Variants in ZDHHC14 observed in about 807,000 individuals in gnomAD.
The protein encoded by ZDHHC14 is zDHHC palmitoyltransferase 14, also known as palmitoyltransferase ZDHHC14.
In ZDHHC14, 16 loss-of-function variants were observed where a neutral mutation model predicts 47.7. The ratio of observed to expected loss-of-function variants is 0.34; its 90% CI spans 0.23 to 0.51. ZDHHC14 has a LOEUF of 0.51. ZDHHC14 is among the 20% of genes least tolerant of loss of function. The pLI is 0.97. For synonymous variants in ZDHHC14, 293 were observed against 278.9 expected (o/e 1.05, Z -0.50); for missense variants, 515 against 662.5 (o/e 0.78, Z 2.44).
chr6:157,519,583 T>C (rs1056161408), intron 1 of ZDHHC14, among the ~76,000 whole-genome samples: 28 of 152,186 alleles, frequency 1.8e-4, no homozygotes, highest in Non-Finnish European at 4.4e-5. Flanking sequence ...TGGGAGCAAC[T>C]TAGACGGATC....
chr6:157,440,633 T>C (rs969897411), intron 1 of ZDHHC14, among the ~76,000 whole-genome samples: 2 of 152,164 alleles, frequency 1.3e-5, no homozygotes, highest in African/African-American at 4.8e-5. Context: ...TTCTTTACAA[T>C]AGCAAAAATG....
chr6:157,445,230 A>G (rs1302099427), intron 1 of ZDHHC14, among the ~76,000 whole-genome samples: 1 of 152,062 alleles, frequency 6.6e-6, no homozygotes, highest in Non-Finnish European at 1.5e-5. Flanking sequence ...ATAGCTCTGA[A>G]TTATTGGAGA....
chr6:157,536,319 C>T (rs1028120009), intron 1 of ZDHHC14, among the ~76,000 whole-genome samples: 1 of 152,142 alleles, frequency 6.6e-6, no homozygotes, highest in African/African-American at 2.4e-5. Context: ...CCAAAAATAT[C>T]AAATGTAGGC....
In ZDHHC14 at chr6:157,626,471, G is replaced by A. The variant is rs889370281; in HGVS notation, c.566-1878G>A. The stretch of plus-strand genomic sequence containing the variant: ...TACAGACTGTGCAGATCAGTAACTC[G>A]GGGAAATGAGGTTTGTTCGTTGTCA... On this transcript the variant is annotated intron_variant, in intron 3 of 8. Coordinates refer to ENST00000359775, the MANE Select transcript of ZDHHC14 (RefSeq NM_024630.3). Among the ~76,000 whole-genome samples the A allele has an allele frequency of 3.9e-5, 6 of 152,076 alleles. No individual in the cohort carries two copies. In the South Asian group the frequency reaches 6.2e-4, roughly 16 times the overall value.
chr6:157,407,594 A>G (rs1421514614), intron 1 of ZDHHC14, among the ~76,000 whole-genome samples: 2 of 152,200 alleles, frequency 1.3e-5, no homozygotes, highest in African/African-American at 4.8e-5. Flanking sequence ...GAGAAGACAC[A>G]GCAATTGTCT....
chr6:157,484,318 C>CATAT (rs749902623), intron 1 of ZDHHC14, among the ~76,000 whole-genome samples: 5 of 133,590 alleles, frequency 3.7e-5, no homozygotes, highest in East Asian at 2.1e-4. Context: ...TATATATACA[C>CATAT]ATATATATAC....
intron 1 of ZDHHC14, among the ~76,000 whole-genome samples, chr6:157,492,436 C>CGGGAAAGT (rs760725140): frequency 1.5e-3 from 222 of 151,402 alleles, no homozygotes; most frequent in Middle Eastern, 3.4e-3. Context: ...ACCGGCAAAG[C>CGGGAAAGT]GGGAAAGCGG....
At chr6:157,511,425 G>T (rs9364523) in intron 1 of ZDHHC14, among the ~76,000 whole-genome samples, 1 of 150,908 alleles carries the variant, frequency 6.6e-6, no homozygotes, top group South Asian at 2.1e-4. Context: ...TTGTTGCCCA[G>T]GCTGGAGTGC....
chr6:157,381,881 G>T lies in ZDHHC14; in HGVS notation c.-141G>T, dbSNP rs2114725165. 3 of 716,652 alleles carry T rather than the reference G, an allele frequency of 4.2e-6. No individual in the cohort carries two copies. Among genetic ancestry groups the T allele is most frequent in the Non-Finnish European group, 5.1e-6 (3 of 588,142 alleles). The allele number at this position is 716,652 out of a possible 1,614,324, so 44.4% of individuals were successfully genotyped here. Reference sequence around the variant, plus strand: ...CCTGGGTGTCCTCGGCAAAGTTGTCGCCGAGCCGGGAGCCCGTGTAGGGGC... The same window carrying T: ...CCTGGGTGTCCTCGGCAAAGTTGTCTCCGAGCCGGGAGCCCGTGTAGGGGC... On this transcript the variant is annotated 5_prime_UTR_variant, in exon 1 of 9. Coordinates refer to ENST00000359775, the MANE Select transcript of ZDHHC14 (RefSeq NM_024630.3).
At chr6:157,456,718 GGGA>G (rs1778925833) in intron 1 of ZDHHC14, among the ~76,000 whole-genome samples, 1 of 152,156 alleles carries the variant, frequency 6.6e-6, no homozygotes, top group Non-Finnish European at 1.5e-5. Context: ...AATTTACCAA[GGGA>G]GGAGGAGATT....
chr6:157,541,845 C>T (rs1781778828), intron 1 of ZDHHC14, among the ~76,000 whole-genome samples: 1 of 152,212 alleles, frequency 6.6e-6, no homozygotes, highest in Admixed American at 6.5e-5. Flanking sequence ...ATAACAATCC[C>T]TGCTTCACGT....
At chr6:157,518,394 G>C (rs1402530923) in intron 1 of ZDHHC14, among the ~76,000 whole-genome samples, 2 of 133,992 alleles carry the variant, frequency 1.5e-5, no homozygotes, top group Admixed American at 7.5e-5. Flanking sequence ...GGGAAGGGGT[G>C]GGGGGAGGGT....
rs139591357 is a variant in ZDHHC14 at position 157,616,863 on chromosome 6, G to A, written c.566-11486G>A. ...ATGTTAGGCAAATCGGGATGGTCAG[G>A]ACTGTCCCAAGAGAACCAGACTGAG... On this transcript the variant is annotated intron_variant, in intron 3 of 8. Coordinates refer to ENST00000359775, the MANE Select transcript of ZDHHC14 (RefSeq NM_024630.3). Among the ~76,000 whole-genome samples the A allele has an allele frequency of 2.0e-5, 3 of 152,294 alleles. No homozygotes were observed. The East Asian group carries it at 5.8e-4, about 29-fold the overall frequency.
At chr6:157,475,838 C>A (rs1191427742) in intron 1 of ZDHHC14, among the ~76,000 whole-genome samples, 1 of 152,066 alleles carries the variant, frequency 6.6e-6, no homozygotes, top group Non-Finnish European at 1.5e-5. Flanking sequence ...CTTAGACAAC[C>A]AATTTCTTCT....
chr6:157,418,205 T>C (rs1025773355), intron 1 of ZDHHC14, among the ~76,000 whole-genome samples: 3 of 152,140 alleles, frequency 2.0e-5, no homozygotes, highest in Admixed American at 1.3e-4. Flanking sequence ...TTATGGCCCA[T>C]TCTCAAACCC....
At chr6:157,667,749 C>A (rs6913653) in intron 8 of ZDHHC14, among the ~76,000 whole-genome samples, 1 of 152,040 alleles carries the variant, frequency 6.6e-6, no homozygotes, top group South Asian at 2.1e-4. Flanking sequence ...GAACCCATCG[C>A]CCTTGGAATT....
intron 3 of ZDHHC14, among the ~76,000 whole-genome samples, chr6:157,601,917 T>C (rs1375708418): frequency 6.6e-6 from 1 of 152,202 alleles, no homozygotes; most frequent in Non-Finnish European, 1.5e-5. Context: ...AAAGAATGCA[T>C]TCAGGGCTGG....
At chr6:157,549,299 C>T (rs1782125062) in intron 2 of ZDHHC14, among the ~76,000 whole-genome samples, 1 of 152,228 alleles carries the variant, frequency 6.6e-6, no homozygotes, top group African/African-American at 2.4e-5. Flanking sequence ...AAATCCTGGG[C>T]TCCAGTGGGT....
intron 3 of ZDHHC14, among the ~76,000 whole-genome samples, chr6:157,612,459 C>T (rs1364612805): frequency 6.6e-6 from 1 of 152,242 alleles, no homozygotes; most frequent in Non-Finnish European, 1.5e-5. Flanking sequence ...CCCGAGGTCT[C>T]CTCTGGTTCC....
Sources: gnomAD v4.1 joint callset for allele counts (sites outside exome capture counted in the v4.1 genomes callset) on GRCh38, gnomAD v4.1.1 for gene constraint, MANE v1.5 for transcripts, NCBI Gene and HGNC (gene_info 2026-07-23, HGNC 2026-07-21) for gene names.